PRKN: variants seen among roughly 807,000 people sequenced by gnomAD.
PRKN encodes E3 ubiquitin-protein ligase parkin.
PRKN carries 56 observed loss-of-function variants against 59.5 expected under a neutral mutation model. That is an observed-to-expected ratio of 0.94 (90% CI 0.76 to 1.18). PRKN has a LOEUF of 1.18. PRKN is among the 50% of genes most tolerant of loss of function. The pLI, the probability that PRKN is intolerant of heterozygous loss-of-function variation, is 0.00. For synonymous variants in PRKN, 250 were observed against 222.1 expected (o/e 1.13, Z -1.12); for missense variants, 657 against 596.4 (o/e 1.10, Z -1.06).
intron 4 of PRKN, among the ~76,000 whole-genome samples, chr6:162,086,330 AAAG>A (rs1208337596): frequency 6.6e-6 from 1 of 152,164 alleles, no homozygotes; most frequent in African/African-American, 2.4e-5. Context: ...TTTTGAAAGC[AAAG>A]AAGACTAGGA....
intron 1 of PRKN, among the ~76,000 whole-genome samples, chr6:162,478,422 A>C (rs958056140): frequency 5.3e-5 from 8 of 152,164 alleles, no homozygotes; most frequent in African/African-American, 1.9e-4. Flanking sequence ...GAAGACCTTG[A>C]ACTAAACCCT....
At chr6:162,595,292 A>G (rs1270864040) in intron 1 of PRKN, among the ~76,000 whole-genome samples, 1 of 150,686 alleles carries the variant, frequency 6.6e-6, no homozygotes. Flanking sequence ...CTGAGTTTCT[A>G]TCACCCAACC....
chr6:162,138,562 T>C (rs1781643492), intron 4 of PRKN, among the ~76,000 whole-genome samples: 1 of 151,476 alleles, frequency 6.6e-6, no homozygotes, highest in Non-Finnish European at 1.5e-5. Flanking sequence ...GAAAAATCAA[T>C]CAATTAAAAA....
intron 7 of PRKN, among the ~76,000 whole-genome samples, chr6:161,634,449 C>T (rs1199272389): frequency 1.3e-5 from 2 of 152,206 alleles, no homozygotes; most frequent in African/African-American, 4.8e-5. Flanking sequence ...ATCTTACAGA[C>T]AAGAAAGTGT....
rs1377836078 is a variant in PRKN at position 161,447,812 on chromosome 6, A to G, written c.1084-60935T>C. On this transcript the variant is annotated intron_variant, in intron 9 of 11. Transcript: ENST00000366898. The surrounding 1 kb of genome is among the most constrained non-coding windows in gnomAD (Gnocchi z 4.1). ...CTGGCCTCCTTTTTCTTTTAAACAC[A>G]TACATACATATATGTAAAAACAAAA... is the stretch of plus-strand genomic sequence containing the variant. 6.6e-6 allele frequency among the ~76,000 whole-genome samples: 1 copy of G among 152,150 alleles called. No individual in the cohort carries two copies. The highest frequency in any genetic ancestry group is 6.5e-5 in the Admixed American group (1 of 15,274).
At chr6:162,701,565 TA>T (rs1321468078) in intron 1 of PRKN, among the ~76,000 whole-genome samples, 2 of 151,962 alleles carry the variant, frequency 1.3e-5, no homozygotes, top group East Asian at 1.9e-4. Context: ...TAAATGTGAT[TA>T]AAAAAATACA....
chr6:161,719,979 C>T (rs1279906933), intron 7 of PRKN, among the ~76,000 whole-genome samples: 1 of 152,174 alleles, frequency 6.6e-6, no homozygotes, highest in Admixed American at 6.5e-5. Flanking sequence ...CAGTCTTTCT[C>T]GTGTAACTCC....
rs1037994688 is a variant in PRKN, at chr6:161,461,245, T to C, written c.1084-74368A>G. Among the ~76,000 whole-genome samples, 1 of 152,198 alleles carries C rather than the reference T, an allele frequency of 6.6e-6. No individual in the cohort carries two copies. Among genetic ancestry groups the C allele is most frequent in the South Asian group, 2.1e-4 (1 of 4,818 alleles). On this transcript the variant is annotated intron_variant, in intron 9 of 11. Transcript: ENST00000366898. This position sits in a 1 kb window ranked among gnomAD's most constrained non-coding sequence, Gnocchi z 5.1. ...GTCTGGAGGTCTGAAAAGTACTCAG[T>C]GAGTTCCGGACCCGGAAATGGTTCA...
chr6:162,482,915 G>A (rs539562609), intron 1 of PRKN, among the ~76,000 whole-genome samples: 26 of 142,068 alleles, frequency 1.8e-4, no homozygotes, highest in Admixed American at 5.0e-4. Context: ...TCCGGCCTGA[G>A]GGTATGCACT....
chr6:162,482,148 AT>A (rs1176292913), intron 1 of PRKN, among the ~76,000 whole-genome samples: 10 of 152,292 alleles, frequency 6.6e-5, no homozygotes, highest in African/African-American at 2.4e-4. Flanking sequence ...ATCTCCTGGG[AT>A]AATTAGGTTA....
intron 7 of PRKN, among the ~76,000 whole-genome samples, chr6:161,652,576 A>G (rs1036052747): frequency 1.3e-5 from 2 of 152,218 alleles, no homozygotes; most frequent in East Asian, 1.9e-4. Flanking sequence ...GCGATAAGGG[A>G]TTACTGACAT....
intron 7 of PRKN, among the ~76,000 whole-genome samples, chr6:161,611,441 C>T (rs1782486096): frequency 6.6e-6 from 1 of 152,198 alleles, no homozygotes; most frequent in Non-Finnish European, 1.5e-5. Context: ...CACTTTCAGT[C>T]TCTGTCCATT....
Position 161,661,681 on chromosome 6 carries a change from T to A in PRKN, c.872-92265A>T, listed in dbSNP as rs144430737. ...AGGTGTTGTACTGTATACAGCCACA[T>A]CATCAACATCTAGAACAGTGCCTGA... On this transcript the variant is annotated intron_variant, in intron 7 of 11. Transcript: ENST00000366898. Among the ~76,000 whole-genome samples, 460 of 152,282 alleles carry A rather than the reference T, an allele frequency of 3.0e-3. 3 individuals carry two copies. The highest frequency in any genetic ancestry group is 6.8e-3 in the Middle Eastern group (2 of 294).
chr6:161,370,232 A>AAC lies in PRKN; in HGVS notation c.1168-10029_1168-10028dup, dbSNP rs532059638. ...AATATAATGAGACCCTGTCTCTATA[A>AAC]ACACACACACACACACAAAACTCCA... On this transcript the variant is annotated intron_variant, in intron 10 of 11. Transcript: ENST00000366898. Among the ~76,000 whole-genome samples the AAC allele has an allele frequency of 3.8e-3, 567 of 150,760 alleles. 3 individuals are homozygous for AAC. The highest frequency in any genetic ancestry group is 6.8e-3 in the Admixed American group (102 of 15,062).
intron 2 of PRKN, among the ~76,000 whole-genome samples, chr6:162,439,656 C>A (rs1206973850): frequency 1.3e-5 from 2 of 150,270 alleles, no homozygotes; most frequent in Non-Finnish European, 2.9e-5. Flanking sequence ...CTCTGCCACC[C>A]CTGAGACAGT....
chr6:162,047,128 T>G (rs928206597), intron 5 of PRKN, among the ~76,000 whole-genome samples: 3 of 152,170 alleles, frequency 2.0e-5, no homozygotes, highest in African/African-American at 7.2e-5. Context: ...CACAATTCAA[T>G]TTTGTTTAGA....
At chr6:161,506,093 T>C (rs1214019598) in intron 9 of PRKN, among the ~76,000 whole-genome samples, 4 of 150,954 alleles carry the variant, frequency 2.6e-5, no homozygotes, top group Non-Finnish European at 4.5e-5. Context: ...GGGGATGGCA[T>C]TGAATCTATA....
chr6:161,822,318 T>C (rs1436280625), intron 6 of PRKN, among the ~76,000 whole-genome samples: 1 of 152,196 alleles, frequency 6.6e-6, no homozygotes, highest in African/African-American at 2.4e-5. Context: ...GTGCACATCT[T>C]TCCTAGTTGT....
chr6:161,645,509 C>T (rs1455395095), intron 7 of PRKN, among the ~76,000 whole-genome samples: 1 of 152,178 alleles, frequency 6.6e-6, no homozygotes, highest in Admixed American at 6.5e-5. Flanking sequence ...TCAACTTAAA[C>T]GTTTATAAAA....
Sources: gnomAD v4.1 joint callset for allele counts (sites outside exome capture counted in the v4.1 genomes callset) on GRCh38, gnomAD v4.1.1 for gene constraint, Gnocchi (gnomAD v3.1) non-coding constraint, MANE v1.5 for transcripts, NCBI Gene and HGNC (gene_info 2026-07-23, HGNC 2026-07-21) for gene names.